The following MON2 variants were observed in gnomAD, a reference collection of about 807,000 sequenced individuals.
The protein encoded by MON2 is protein MON2 homolog.
In MON2, 84 loss-of-function variants were observed where a neutral mutation model predicts 208.6. The ratio of observed to expected loss-of-function variants is 0.40; its 90% CI spans 0.34 to 0.48. The LOEUF is 0.48. Ranked by LOEUF, MON2 falls within the 20% of genes least tolerant of loss-of-function variation. The pLI is 0.59. For synonymous variants in MON2, 660 were observed against 694.0 expected (o/e 0.95, Z 0.77); for missense variants, 1,611 against 2,015.4 (o/e 0.80, Z 3.84).
chr12:62,575,672 A>G (rs2074747072), intron 30 of MON2, among the ~76,000 whole-genome samples: 1 of 152,212 alleles, frequency 6.6e-6, no homozygotes. Context: ...TGCTTTGGCA[A>G]GGGAATACAA....
At chr12:62,485,464 A>G (rs879096006) in intron 2 of MON2, among the ~76,000 whole-genome samples, 1 of 152,248 alleles carries the variant, frequency 6.6e-6, no homozygotes, top group Admixed American at 6.5e-5. Context: ...CACTTAGGCT[A>G]TCCAGCTTTG....
intron 9 of MON2, 117 bp downstream of exon 9, chr12:62,524,756 A>C (rs772776498): frequency 9.7e-7 from 1 of 1,032,542 alleles, no homozygotes; most frequent in African/African-American, 1.6e-5. Context: ...TCCCAATATT[A>C]GTGATTTCTA....
chr12:62,587,427 A>T (rs1206006214), intron 33 of MON2, among the ~76,000 whole-genome samples: 3 of 152,072 alleles, frequency 2.0e-5, no homozygotes, highest in Non-Finnish European at 4.4e-5. Context: ...GTATTATAAA[A>T]TGTTTTAAGG....
chr12:62,515,319 C>G (rs1348747277), intron 8 of MON2, among the ~76,000 whole-genome samples: 3 of 152,104 alleles, frequency 2.0e-5, no homozygotes, highest in African/African-American at 7.2e-5. Context: ...AGAAGGAAAT[C>G]CTGTTACTGG....
At chr12:62,581,357 G>A (rs534479549) in intron 32 of MON2, among the ~76,000 whole-genome samples, 28 of 152,258 alleles carry the variant, frequency 1.8e-4, no homozygotes, top group African/African-American at 6.0e-4. Context: ...TTTGAGACCA[G>A]CCTGGGCAGC....
intron 7 of MON2, among the ~76,000 whole-genome samples, chr12:62,504,401 C>T (rs1477563608): frequency 2.0e-5 from 3 of 151,822 alleles, no homozygotes; most frequent in South Asian, 2.1e-4. Flanking sequence ...CCCGCCACCA[C>T]GCCCGGCTAA....
intron 22 of MON2, among the ~76,000 whole-genome samples, chr12:62,547,894 T>C (rs1443600556): frequency 6.6e-6 from 1 of 152,196 alleles, no homozygotes; most frequent in Non-Finnish European, 1.5e-5. Context: ...TCATCTAGGT[T>C]TGTGTCAGTA....
chr12:62,468,916 G>C (rs1376895191), intron 1 of MON2, among the ~76,000 whole-genome samples: 1 of 151,966 alleles, frequency 6.6e-6, no homozygotes, highest in Non-Finnish European at 1.5e-5. Context: ...TTGTGGTCTA[G>C]CTTGGGAATT....
At chr12:62,529,674 A>C (rs1451090355) in intron 11 of MON2, among the ~76,000 whole-genome samples, 1 of 152,100 alleles carries the variant, frequency 6.6e-6, no homozygotes, top group Non-Finnish European at 1.5e-5. Context: ...AGTTTTCATC[A>C]CCCCTAAAAG....
At position 62,578,336 on chromosome 12, in the gene MON2, A is replaced by C. The variant is rs1000056895; in HGVS notation, c.4515-109A>C. On this transcript the variant is annotated intron_variant, in intron 30 of 34. Transcript: ENST00000393630. ...CTTTTAAATAAATAATAATGCCCCA[A>C]CCTGGGTTGGAAGACATAATTTTTT... is the stretch of plus-strand genomic sequence containing the variant. 39 of 697,958 alleles carry C rather than the reference A, an allele frequency of 5.6e-5. No homozygotes were observed. In the African/African-American group the frequency reaches 7.1e-4, roughly 13 times the overall value. The allele number at this position is 697,958 out of a possible 1,614,324, so 43.2% of individuals were successfully genotyped here.
chr12:62,548,930 G>T (rs1182166458), intron 22 of MON2, among the ~76,000 whole-genome samples: 1 of 152,044 alleles, frequency 6.6e-6, no homozygotes, highest in Non-Finnish European at 1.5e-5. Flanking sequence ...ATACAGTACG[G>T]ATATAAAAGA....
intron 1 of MON2, among the ~76,000 whole-genome samples, chr12:62,476,871 G>A (rs774688406): frequency 6.6e-6 from 1 of 152,154 alleles, no homozygotes; most frequent in Non-Finnish European, 1.5e-5. Flanking sequence ...TAAAAACAGA[G>A]CAGGGGTTAG....
At chr12:62,571,934 CAG>C (rs2074609289) in intron 30 of MON2, among the ~76,000 whole-genome samples, 1 of 152,148 alleles carries the variant, frequency 6.6e-6, no homozygotes. Context: ...AGTGTATTAC[CAG>C]AATAAATAGG....
Position 62,565,292 on chromosome 12 carries a change from A to G in MON2, c.4088A>G (p.Gln1363Arg). 1.2e-6 allele frequency: 2 copies of G among 1,613,268 alleles called. No homozygotes were observed. The part of the protein sequence containing the change: ...MQIMYPAIFD[Q>R]LLAFVEFSCK... Reference sequence around the variant, plus strand: ...ATAATGTATCCAGCTATATTTGACCAGTTGTTGGCATTTGTAGAATTTTCC... The same window carrying G: ...ATAATGTATCCAGCTATATTTGACCGGTTGTTGGCATTTGTAGAATTTTCC... The change falls in exon 27 of 35, where the codon CAG becomes CGG. Residue 1363 changes from glutamine to arginine, a missense_variant. Transcript: ENST00000393630.
chr12:62,536,203 A>T (rs570591013), intron 14 of MON2, among the ~76,000 whole-genome samples: 1 of 143,084 alleles, frequency 7.0e-6, no homozygotes, highest in South Asian at 2.2e-4. Flanking sequence ...ACTATGAGAT[A>T]CCATTGAAAT....
chr12:62,534,532 AAAAAAAAAAAATATAT>A (rs1249958468), intron 12 of MON2, among the ~76,000 whole-genome samples: 21 of 49,494 alleles, frequency 4.2e-4, no homozygotes, highest in African/African-American at 1.5e-3. Flanking sequence ...AAAAAAAAAA[AAAAAAAAAAAATATAT>A]ATATATATAT....
rs1487464410 is a variant in MON2 at position 62,566,342 on chromosome 12, T to C, written c.4215T>C (p.Asn1405=). 1 of 1,612,900 alleles carries C rather than the reference T, an allele frequency of 6.2e-7. No homozygotes were observed. The highest frequency in any genetic ancestry group is 1.1e-5 in the South Asian group (1 of 90,666). ...LFAPAEWVAL[N]YVPFAERSLE... ...TCTAGGCGGAATGGGTAGCCTTGAA[T>C]TATGTGCCGTTTGCTGAAAGGTCTT... The change falls in exon 29 of 35, where the codon AAT becomes AAC. Residue 1405 remains asparagine (N), a synonymous_variant. Transcript: ENST00000393630.
intron 25 of MON2, among the ~76,000 whole-genome samples, chr12:62,559,233 T>A (rs755138138): frequency 3.3e-5 from 5 of 152,262 alleles, no homozygotes; most frequent in Non-Finnish European, 7.3e-5. Context: ...TTATTTTACA[T>A]GTTTCATAGC....
intron 32 of MON2, among the ~76,000 whole-genome samples, chr12:62,583,919 C>G (rs745704770): frequency 6.9e-6 from 1 of 145,612 alleles, no homozygotes; most frequent in Non-Finnish European, 1.5e-5. Context: ...GAGATCATGC[C>G]ACTGCACTCC....
Sources: gnomAD v4.1 joint callset for allele counts (sites outside exome capture counted in the v4.1 genomes callset) on GRCh38, gnomAD v4.1.1 for gene constraint, MANE v1.5 for transcripts, NCBI Gene and HGNC (gene_info 2026-07-23, HGNC 2026-07-21) for gene names.